Variants in LHFPL3 observed in about 807,000 individuals in gnomAD.
LHFPL3 encodes the protein LHFPL tetraspan subfamily member 3 protein.
LHFPL3 carries 5 observed loss-of-function variants against 19.3 expected under a neutral mutation model. That is an observed-to-expected ratio of 0.26 (90% CI 0.14 to 0.54). LHFPL3 has a LOEUF of 0.54. Ranked by LOEUF, LHFPL3 falls within the 20% of genes least tolerant of loss-of-function variation. LHFPL3 has a pLI of 0.94. For missense variants in LHFPL3, 249 were observed against 307.4 expected (o/e 0.81, Z 1.42); for synonymous variants, 133 against 126.2 (o/e 1.05, Z -0.36).
intron 2 of LHFPL3, among the ~76,000 whole-genome samples, chr7:104,848,948 G>T (rs1324350445): frequency 6.6e-6 from 1 of 150,762 alleles, no homozygotes; most frequent in Admixed American, 6.6e-5. Context: ...ATCTCACTCT[G>T]TCACCCGGTT....
intron 1 of LHFPL3, among the ~76,000 whole-genome samples, chr7:104,373,814 G>T (rs1790656704): frequency 6.6e-6 from 1 of 152,028 alleles, no homozygotes; most frequent in Non-Finnish European, 1.5e-5. Context: ...GTTTGGGAGG[G>T]CCTGGAAGAA....
intron 2 of LHFPL3, chr7:104,796,883 A>C (rs1790144886): frequency 6.6e-6 from 1 of 152,662 alleles, no homozygotes; most frequent in African/African-American, 2.4e-5. Context: ...TGTTGGTCAG[A>C]AAGTGGATGC....
At chr7:104,580,249 C>T (rs1287938751) in intron 1 of LHFPL3, among the ~76,000 whole-genome samples, 1 of 152,098 alleles carries the variant, frequency 6.6e-6, no homozygotes, top group Non-Finnish European at 1.5e-5. Flanking sequence ...ATTACTGTGA[C>T]TATTTGTAAA....
intron 1 of LHFPL3, among the ~76,000 whole-genome samples, chr7:104,726,961 T>C (rs1793602889): frequency 6.6e-6 from 1 of 152,148 alleles, no homozygotes; most frequent in Non-Finnish European, 1.5e-5. Flanking sequence ...AGTGTAAAAG[T>C]GTTCCTATTT....
intron 1 of LHFPL3, among the ~76,000 whole-genome samples, chr7:104,422,094 C>T (rs1791743870): frequency 6.6e-6 from 1 of 152,228 alleles, no homozygotes; most frequent in South Asian, 2.1e-4. Context: ...GGTGCAGTGG[C>T]TCACGCCTGT....
At chr7:104,580,838 A>C (rs1243155062) in intron 1 of LHFPL3, among the ~76,000 whole-genome samples, 2 of 152,076 alleles carry the variant, frequency 1.3e-5, no homozygotes, top group African/African-American at 4.8e-5. Flanking sequence ...TAATTTTTTT[A>C]GATCCATTCA....
At chr7:104,476,209 A>G (rs973851610) in intron 1 of LHFPL3, among the ~76,000 whole-genome samples, 4 of 152,214 alleles carry the variant, frequency 2.6e-5, no homozygotes, top group Non-Finnish European at 4.4e-5. Flanking sequence ...AATCCCATCA[A>G]AGGTTTTCCG....
At chr7:104,445,647 C>G (rs1294522904) in intron 1 of LHFPL3, among the ~76,000 whole-genome samples, 1 of 152,132 alleles carries the variant, frequency 6.6e-6, no homozygotes, top group Non-Finnish European at 1.5e-5. Context: ...TACAAAAAGG[C>G]CAGACTTCAG....
At chr7:104,607,842 C>T (rs542935881) in intron 1 of LHFPL3, among the ~76,000 whole-genome samples, 1 of 152,156 alleles carries the variant, frequency 6.6e-6, no homozygotes, top group African/African-American at 2.4e-5. Context: ...AAGATATGAA[C>T]AGACACTTCT....
intron 1 of LHFPL3, among the ~76,000 whole-genome samples, chr7:104,491,470 T>TAA (rs71153199): frequency 1.1e-4 from 16 of 145,942 alleles, no homozygotes; most frequent in Non-Finnish European, 1.7e-4. Flanking sequence ...TTTTTCCATG[T>TAA]AAAAAAAAAA....
intron 1 of LHFPL3, among the ~76,000 whole-genome samples, chr7:104,511,944 C>CTT (rs58712044): frequency 0.027 from 3,064 of 111,918 alleles, 169 homozygotes; most frequent in African/African-American, 0.085. Context: ...CTTTCCTTTT[C>CTT]TTTTTTTTTT....
intron 1 of LHFPL3, among the ~76,000 whole-genome samples, chr7:104,347,608 T>C (rs565542420): frequency 4.6e-5 from 7 of 152,300 alleles, no homozygotes; most frequent in Admixed American, 3.9e-4. Flanking sequence ...AAGTTTGCCT[T>C]CTTTTCTAGC....
At chr7:104,356,166 C>T (rs1037021317) in intron 1 of LHFPL3, among the ~76,000 whole-genome samples, 2 of 152,090 alleles carry the variant, frequency 1.3e-5, no homozygotes, top group African/African-American at 4.8e-5. Context: ...GTGACTTTTC[C>T]AGGTTTGGTC....
At chr7:104,387,977 A>G (rs1790983455) in intron 1 of LHFPL3, among the ~76,000 whole-genome samples, 1 of 151,964 alleles carries the variant, frequency 6.6e-6, no homozygotes, top group South Asian at 2.1e-4. Flanking sequence ...AGTGTCTTTT[A>G]TTCACTTCTT....
At chr7:104,693,201 C>T (rs1167572674) in intron 1 of LHFPL3, among the ~76,000 whole-genome samples, 3 of 152,162 alleles carry the variant, frequency 2.0e-5, no homozygotes, top group African/African-American at 4.8e-5. Flanking sequence ...AATGCCTGTA[C>T]CCCCATTGTA....
chr7:104,432,509 G>A lies in LHFPL3; in HGVS notation c.445+103285G>A, dbSNP rs144641507. Among the ~76,000 whole-genome samples the A allele has an allele frequency of 1.3e-3, 202 of 152,042 alleles. 2 individuals are homozygous for A. Among genetic ancestry groups the A allele is most frequent in the Middle Eastern group, 6.8e-3 (2 of 294 alleles). The stretch of plus-strand genomic sequence containing the variant: ...GTCCTGCTCCTTTCTCACCCTCCAC[G>A]TCCTCTGGAGATGATCTCATCTCCT... On this transcript the variant is annotated intron_variant, in intron 1 of 2. Coordinates refer to ENST00000424859, the MANE Select transcript of LHFPL3 (RefSeq NM_199000.3).
chr7:104,727,329 T>C (rs184156525), intron 1 of LHFPL3, among the ~76,000 whole-genome samples: 39 of 152,364 alleles, frequency 2.6e-4, no homozygotes, highest in African/African-American at 9.4e-4. Context: ...TTTAGTTTAA[T>C]TAAATTCCAT....
chr7:104,480,742 C>T (rs1321892731), intron 1 of LHFPL3, among the ~76,000 whole-genome samples: 3 of 152,070 alleles, frequency 2.0e-5, no homozygotes, highest in Non-Finnish European at 2.9e-5. Context: ...AGAAGAGGTC[C>T]GTGCATAAAA....
At position 104,893,170 on chromosome 7, in the gene LHFPL3, T is replaced by C. The variant is rs548736960; in HGVS notation, c.683-13017T>C. On this transcript the variant is annotated intron_variant, in intron 2 of 2. Transcript: ENST00000424859. ...TCGAGGTTGCAATAAGCTGTGATCA[T>C]ACCACTACACTCCAACCTGGCTGAC... Among the ~76,000 whole-genome samples, 32 of 151,286 alleles carry C rather than the reference T, an allele frequency of 2.1e-4. 1 individual carries two copies. The South Asian group carries it at 3.3e-3, about 16-fold the overall frequency.
Sources: allele counts gnomAD v4.1 joint callset (sites outside exome capture counted in the v4.1 genomes callset), GRCh38; gene constraint gnomAD v4.1.1; transcripts MANE v1.5; gene names NCBI Gene and HGNC (gene_info 2026-07-23, HGNC 2026-07-21).